The following ADAMTS3 variants were observed in gnomAD, a reference collection of about 807,000 sequenced individuals.
The protein encoded by ADAMTS3 is ADAM metallopeptidase with thrombospondin type 1 motif 3, also known as A disintegrin and metalloproteinase with thrombospondin motifs 3.
ADAMTS3 carries 73 observed loss-of-function variants against 129.0 expected under a neutral mutation model. That is an observed-to-expected ratio of 0.57 (90% CI 0.47 to 0.69). The LOEUF (loss-of-function observed/expected upper bound fraction) is 0.69. Among genes scored for constraint, ADAMTS3 ranks in the 30% least tolerant of loss-of-function variants. ADAMTS3 has a pLI of 0.00. For missense variants in ADAMTS3, 1,457 were observed against 1,514.5 expected (o/e 0.96, Z 0.63); for synonymous variants, 477 against 510.8 (o/e 0.93, Z 0.89).
At chr4:72,501,302 A>C (rs1223396892) in intron 3 of ADAMTS3, among the ~76,000 whole-genome samples, 2 of 151,852 alleles carry the variant, frequency 1.3e-5, no homozygotes, top group Admixed American at 6.6e-5. Context: ...GCAGTATTTG[A>C]TTGTTGTCCT....
At chr4:72,482,137 A>G (rs1719453751) in intron 3 of ADAMTS3, among the ~76,000 whole-genome samples, 2 of 152,066 alleles carry the variant, frequency 1.3e-5, no homozygotes, top group Admixed American at 1.3e-4. Context: ...TACAATCCAG[A>G]AATTTCACTC....
intron 4 of ADAMTS3, among the ~76,000 whole-genome samples, chr4:72,353,949 G>T (rs2109847399): frequency 6.6e-6 from 1 of 151,918 alleles, no homozygotes; most frequent in African/African-American, 2.4e-5. Flanking sequence ...ACATCCCTCA[G>T]GAACTGCTTC....
At chr4:72,567,246 T>C (rs1211931399) in intron 2 of ADAMTS3, 128 bp downstream of exon 2, 14 of 924,538 alleles carry the variant, frequency 1.5e-5, no homozygotes, top group Non-Finnish European at 2.3e-5. Context: ...AACAGAAATG[T>C]TTCCGGACTA....
At chr4:72,490,072 T>C (rs1054910655) in intron 3 of ADAMTS3, among the ~76,000 whole-genome samples, 3 of 151,982 alleles carry the variant, frequency 2.0e-5, no homozygotes, top group African/African-American at 7.2e-5. Flanking sequence ...TGTGATGCGA[T>C]ATCTCACTGT....
At chr4:72,431,465 A>G (rs1443803851) in intron 3 of ADAMTS3, among the ~76,000 whole-genome samples, 1 of 152,016 alleles carries the variant, frequency 6.6e-6, no homozygotes, top group African/African-American at 2.4e-5. Flanking sequence ...TGCCACAAGT[A>G]AAAAGTTCTA....
In ADAMTS3 at chr4:72,281,824, T is replaced by A. The variant is rs1718352048; in HGVS notation, c.*1312A>T. 7.0e-6 allele frequency: 1 copy of A among 142,742 alleles called. No homozygotes were observed. Among genetic ancestry groups the A allele is most frequent in the Non-Finnish European group, 1.6e-5 (1 of 64,358 alleles). 8.8% of individuals were successfully genotyped at this position (142,742 alleles called of 1,614,324 possible). On this transcript the variant is annotated 3_prime_UTR_variant, in exon 22 of 22. Transcript: ENST00000286657. ...ATAAAAATACTATCAAGAAAAAAAA[T>A]CAACTTTTAATAAATATCTTCAGTT...
chr4:72,283,708 C>A lies in ADAMTS3; in HGVS notation c.3050-4G>T. On this transcript the variant is annotated splice_region_variant and splice_polypyrimidine_tract_variant and intron_variant, in intron 21 of 21. Transcript: ENST00000286657. ...TTGTCTCCCAAACATGGTTCATCTG[C>A]AAAAATAAAAAGAAAATAAACTAAC... 5.3e-6 allele frequency: 8 copies of A among 1,522,914 alleles called. No homozygotes were observed. Among genetic ancestry groups the A allele is most frequent in the South Asian group, 2.5e-5 (2 of 78,842 alleles). 94.3% of individuals were successfully genotyped at this position (1,522,914 alleles called of 1,614,324 possible).
rs759963502 is a variant in ADAMTS3, at chr4:72,339,608, T to A, written c.747A>T (p.Arg249Ser). Residue 249 changes from arginine (R) to serine (S), a missense_variant, in exon 5 of 22, where the codon AGA becomes AGT. Transcript: ENST00000286657. ...TATTGTAATCGTTTTCTCCCGCGTG[T>A]CTGCGGCGTCTCATTGTTTCATTCA... ...QQLNETMRRR[R>S]HAGENDYNIE... 1.9e-6 allele frequency: 3 copies of A among 1,614,018 alleles called. No homozygotes were observed. In the Admixed American group the frequency reaches 5.0e-5, roughly 27 times the overall value.
intron 4 of ADAMTS3, among the ~76,000 whole-genome samples, chr4:72,379,138 C>G (rs1020777800): frequency 2.0e-5 from 3 of 152,120 alleles, no homozygotes; most frequent in African/African-American, 7.2e-5. Flanking sequence ...TGATAATCTC[C>G]TTTTTGATAT....
At chr4:72,396,601 A>T (rs1163498209) in intron 4 of ADAMTS3, among the ~76,000 whole-genome samples, 5 of 152,178 alleles carry the variant, frequency 3.3e-5, no homozygotes, top group Non-Finnish European at 7.3e-5. Context: ...AGCCTAGCTA[A>T]CTGCATCCCA....
At chr4:72,357,145 G>A (rs1720600678) in intron 4 of ADAMTS3, among the ~76,000 whole-genome samples, 1 of 151,908 alleles carries the variant, frequency 6.6e-6, no homozygotes, top group Non-Finnish European at 1.5e-5. Flanking sequence ...TGGATCACCT[G>A]AAATTTTCAT....
intron 19 of ADAMTS3, among the ~76,000 whole-genome samples, chr4:72,294,288 G>A (rs1341416154): frequency 6.6e-6 from 1 of 152,064 alleles, no homozygotes. Context: ...GTGGTGATTA[G>A]GGGCTTGGGT....
chr4:72,565,932 C>T (rs1235903865), intron 2 of ADAMTS3, among the ~76,000 whole-genome samples: 1 of 152,110 alleles, frequency 6.6e-6, no homozygotes, highest in Non-Finnish European at 1.5e-5. Flanking sequence ...CTTAAGACAT[C>T]TTTTTAATTT....
chr4:72,442,425 G>C lies in ADAMTS3; in HGVS notation c.505-27454C>G, dbSNP rs866409895. Among the ~76,000 whole-genome samples the C allele has an allele frequency of 6.6e-5, 10 of 151,852 alleles. No homozygotes were observed. The South Asian group carries it at 8.3e-4, about 13-fold the overall frequency. On this transcript the variant is annotated intron_variant, in intron 3 of 21. Transcript: ENST00000286657. ...TTTAATCATGATGGAAGATAAAGTG[G>C]ATGAGGCATCACATGGCAAGACGGA...
At chr4:72,496,626 T>C (rs1177102210) in intron 3 of ADAMTS3, among the ~76,000 whole-genome samples, 4 of 152,104 alleles carry the variant, frequency 2.6e-5, no homozygotes, top group African/African-American at 7.2e-5. Context: ...TACAGCTTAG[T>C]GTCAGAAGCC....
At chr4:72,381,270 T>G (rs991460121) in intron 4 of ADAMTS3, among the ~76,000 whole-genome samples, 2 of 152,180 alleles carry the variant, frequency 1.3e-5, no homozygotes, top group South Asian at 4.1e-4. Context: ...ATAACCTTTT[T>G]TTATTTTTTA....
chr4:72,367,828 C>A (rs1179526442), intron 4 of ADAMTS3, among the ~76,000 whole-genome samples: 1 of 136,360 alleles, frequency 7.3e-6, no homozygotes, highest in East Asian at 2.1e-4. Context: ...CCAGCCTGGG[C>A]GACAAAGCAA....
intron 3 of ADAMTS3, among the ~76,000 whole-genome samples, chr4:72,492,782 C>A (rs1029532011): frequency 1.3e-5 from 2 of 151,720 alleles, no homozygotes; most frequent in African/African-American, 4.8e-5. Context: ...AATGTTCCAC[C>A]TATTCTTGTA....
At chr4:72,522,694 A>G (rs1720705296) in intron 3 of ADAMTS3, among the ~76,000 whole-genome samples, 2 of 152,294 alleles carry the variant, frequency 1.3e-5, no homozygotes, top group Non-Finnish European at 2.9e-5. Flanking sequence ...GTTCTATTCA[A>G]TCACTACACC....
Sources: gnomAD v4.1 joint callset for allele counts (sites outside exome capture counted in the v4.1 genomes callset) on GRCh38, gnomAD v4.1.1 for gene constraint, MANE v1.5 for transcripts, NCBI Gene and HGNC (gene_info 2026-07-23, HGNC 2026-07-21) for gene names.